CDK14: variants seen among roughly 807,000 people sequenced by gnomAD.
CDK14 encodes the protein cyclin dependent kinase 14.
A neutral mutation model predicts 60.7 loss-of-function variants in CDK14; 34 were observed. That is an observed-to-expected ratio of 0.56 (90% CI 0.43 to 0.75). The LOEUF (loss-of-function observed/expected upper bound fraction) is 0.75. Ranked by LOEUF, CDK14 falls within the 30% of genes least tolerant of loss-of-function variation. The pLI, the probability that CDK14 is intolerant of heterozygous loss-of-function variation, is 0.00. For synonymous variants in CDK14, 197 were observed against 203.7 expected (o/e 0.97, Z 0.28); for missense variants, 482 against 564.1 (o/e 0.85, Z 1.47).
At chr7:90,678,334 G>A (rs1200411728) in intron 2 of CDK14, among the ~76,000 whole-genome samples, 2 of 152,130 alleles carry the variant, frequency 1.3e-5, no homozygotes, top group Non-Finnish European at 2.9e-5. Flanking sequence ...GTGTTTGGTC[G>A]CTGAGACCTT....
chr7:90,821,555 C>T (rs1438307681), intron 5 of CDK14, among the ~76,000 whole-genome samples: 1 of 152,162 alleles, frequency 6.6e-6, no homozygotes, highest in African/African-American at 2.4e-5. Flanking sequence ...GAGGCAGAAA[C>T]TGGAGGAGGC....
intron 4 of CDK14, among the ~76,000 whole-genome samples, chr7:90,788,271 A>G (rs944767444): frequency 1.5e-4 from 23 of 152,158 alleles, no homozygotes; most frequent in African/African-American, 5.1e-4. Context: ...AACTGGGCTG[A>G]GAAAAATTCA....
At chr7:90,873,028 A>G (rs1791425436) in intron 6 of CDK14, among the ~76,000 whole-genome samples, 1 of 152,192 alleles carries the variant, frequency 6.6e-6, no homozygotes, top group Non-Finnish European at 1.5e-5. Context: ...AAAGAAAAGT[A>G]TATATTTCTC....
intron 10 of CDK14, among the ~76,000 whole-genome samples, chr7:91,027,910 GCCCTC>G (rs1202406208): frequency 0.032 from 163 of 5,146 alleles, 2 homozygotes; most frequent in Non-Finnish European, 0.042. Flanking sequence ...CCCCTCCCCT[GCCCTC>G]CCCTCCCCTC....
intron 8 of CDK14, among the ~76,000 whole-genome samples, chr7:90,935,664 T>C (rs1043400011): frequency 6.6e-5 from 10 of 152,186 alleles, no homozygotes; most frequent in Non-Finnish European, 8.8e-5. Context: ...TTCACTAATA[T>C]ATCTATTAGT....
intron 14 of CDK14, among the ~76,000 whole-genome samples, chr7:91,198,299 A>G (rs527333401): frequency 6.6e-6 from 1 of 152,316 alleles, no homozygotes; most frequent in East Asian, 1.9e-4. Flanking sequence ...CTTCAAATAT[A>G]TTGAACTTGA....
chr7:90,636,101 C>G (rs1800139805), intron 2 of CDK14, among the ~76,000 whole-genome samples: 1 of 149,566 alleles, frequency 6.7e-6, no homozygotes, highest in South Asian at 2.2e-4. Context: ...TTGACTTCCT[C>G]TTTTCCTAAT....
intron 14 of CDK14, among the ~76,000 whole-genome samples, chr7:91,200,630 G>A (rs1425957384): frequency 6.6e-6 from 1 of 152,130 alleles, no homozygotes; most frequent in Admixed American, 6.6e-5. Context: ...TTTTCTGACT[G>A]TGTTCAAACA....
At chr7:90,752,561 TAGAA>T (rs1157077957) in intron 4 of CDK14, among the ~76,000 whole-genome samples, 7 of 151,948 alleles carry the variant, frequency 4.6e-5, no homozygotes, top group African/African-American at 1.2e-4. Context: ...CTAAAAAAAT[TAGAA>T]AGATCTTAAA....
chr7:90,764,490 T>C (rs1300261473), intron 4 of CDK14, among the ~76,000 whole-genome samples: 1 of 152,150 alleles, frequency 6.6e-6, no homozygotes, highest in Admixed American at 6.5e-5. Context: ...AAAGGAAGTA[T>C]ACTGTACTAC....
At chr7:91,196,714 C>T (rs1802553466) in intron 14 of CDK14, among the ~76,000 whole-genome samples, 1 of 152,172 alleles carries the variant, frequency 6.6e-6, no homozygotes. Context: ...ATGTGATTGA[C>T]TGTGACTTCA....
At chr7:91,010,386 A>T (rs1796116271) in intron 10 of CDK14, among the ~76,000 whole-genome samples, 1 of 152,136 alleles carries the variant, frequency 6.6e-6, no homozygotes, top group African/African-American at 2.4e-5. Context: ...TGAGTCTTCC[A>T]ATCTATGAAC....
At chr7:91,037,158 A>G (rs191903103) in intron 10 of CDK14, among the ~76,000 whole-genome samples, 35 of 152,368 alleles carry the variant, frequency 2.3e-4, no homozygotes, top group African/African-American at 8.4e-4. Flanking sequence ...CTTTATGTTT[A>G]TAGCTATCAC....
chr7:90,779,498 C>G (rs1477849025), intron 4 of CDK14, among the ~76,000 whole-genome samples: 1 of 152,160 alleles, frequency 6.6e-6, no homozygotes, highest in Non-Finnish European at 1.5e-5. Context: ...AAGTGATCTT[C>G]CTGCCCCAGC....
intron 5 of CDK14, among the ~76,000 whole-genome samples, chr7:90,795,982 G>T (rs113652996): frequency 7.4e-4 from 112 of 152,250 alleles, no homozygotes; most frequent in African/African-American, 2.5e-3. Flanking sequence ...CACTTTGGCT[G>T]GGTGTGAGGC....
chr7:91,200,256 A>G (rs1177433760), intron 14 of CDK14, among the ~76,000 whole-genome samples: 1 of 152,328 alleles, frequency 6.6e-6, no homozygotes, highest in Non-Finnish European at 1.5e-5. Context: ...AAATTTGACT[A>G]TGTGTTATAT....
chr7:90,955,576 T>C, intron 8 of CDK14, 121 bp from the exon 9 acceptor site: 2 of 1,022,718 alleles, frequency 2.0e-6, no homozygotes, highest in African/African-American at 1.6e-5. Flanking sequence ...ACCTTGATAC[T>C]GCACTCCTGA....
At chr7:90,629,939 A>G (rs1187578469) in intron 2 of CDK14, among the ~76,000 whole-genome samples, 1 of 152,110 alleles carries the variant, frequency 6.6e-6, no homozygotes, top group Admixed American at 6.6e-5. Flanking sequence ...AGGCACAAGA[A>G]TCACTTAAGC....
chr7:90,718,048 G>A (rs1802314923), intron 2 of CDK14, among the ~76,000 whole-genome samples: 1 of 151,938 alleles, frequency 6.6e-6, no homozygotes, highest in South Asian at 2.1e-4. Flanking sequence ...ATCTAAAAAT[G>A]ATGTAGTTGG....
Sources: allele counts gnomAD v4.1 joint callset (sites outside exome capture counted in the v4.1 genomes callset), GRCh38; gene constraint gnomAD v4.1.1; transcripts MANE v1.5; gene names NCBI Gene and HGNC (gene_info 2026-07-23, HGNC 2026-07-21).